PITPNC1: variants seen among roughly 807,000 people sequenced by gnomAD.
The protein encoded by PITPNC1 is cytoplasmic phosphatidylinositol transfer protein 1.
Under a neutral mutation model 44.7 loss-of-function variants are expected in PITPNC1, and 18 were observed. The observed-to-expected ratio is 0.40, with a 90% CI of 0.28 to 0.60. The LOEUF (loss-of-function observed/expected upper bound fraction) is 0.60, where lower values mean the gene tolerates loss of function less well. Ranked by LOEUF, PITPNC1 falls within the 20% of genes least tolerant of loss-of-function variation. The probability of loss-of-function intolerance (pLI) is 0.39; values close to 1 mark genes in which losing one functional copy is unlikely to be tolerated. For synonymous variants in PITPNC1, 141 were observed against 149.6 expected, an observed-to-expected ratio of 0.94 and a Z score of 0.42; for missense variants, 290 against 418.4, an observed-to-expected ratio of 0.69 and a Z score of 2.68.
At chr17:67,504,805 G>A (rs1396391771) in intron 1 of PITPNC1, among the ~76,000 whole-genome samples, 5 of 151,934 alleles carry the variant, frequency 3.3e-5, no homozygotes, top group Non-Finnish European at 5.9e-5. Flanking sequence ...TTTTTGTTCC[G>A]CTGTCTTCAG....
chr17:67,453,207 G>T (rs995040021), intron 1 of PITPNC1, among the ~76,000 whole-genome samples: 4 of 152,130 alleles, frequency 2.6e-5, no homozygotes, highest in Non-Finnish European at 4.4e-5. Flanking sequence ...AAATATTTTA[G>T]GTAACAGAAA....
Position 67,442,863 on chromosome 17 carries a change from T to TA in PITPNC1, c.48+64669dup, listed in dbSNP as rs538292384. Among the ~76,000 whole-genome samples the TA allele has an allele frequency of 5.6e-4, 85 of 151,462 alleles. 1 individual carries two copies. In the South Asian group the frequency reaches 0.015, roughly 27 times the overall value. ...GAGCAAGACTCTGTCCCAGAAAAACTAAAAAAAATGCATTAAAATAATATT... is the reference window on the plus strand; with the variant it reads ...GAGCAAGACTCTGTCCCAGAAAAACTAAAAAAAAATGCATTAAAATAATATT... On this transcript the variant is annotated intron_variant, in intron 1 of 8. Coordinates refer to ENST00000581322, the MANE Select transcript of PITPNC1 (RefSeq NM_012417.4).
intron 4 of PITPNC1, among the ~76,000 whole-genome samples, chr17:67,572,599 G>T (rs2041077202): frequency 6.6e-6 from 1 of 151,932 alleles, no homozygotes; most frequent in Admixed American, 6.6e-5. Flanking sequence ...GACACAGATA[G>T]CTAATGGTAA....
intron 5 of PITPNC1, chr17:67,612,137 A>C (rs1192486476): frequency 1.3e-5 from 2 of 152,224 alleles, no homozygotes; most frequent in African/African-American, 4.8e-5. Context: ...ATGAGTACCA[A>C]CTCATCTTGG....
At chr17:67,576,087 G>T (rs1168649812) in intron 4 of PITPNC1, among the ~76,000 whole-genome samples, 1 of 151,856 alleles carries the variant, frequency 6.6e-6, no homozygotes, top group African/African-American at 2.4e-5. Context: ...ATGGTGGCCA[G>T]GCTGGTCTCA....
At chr17:67,518,674 T>C (rs1234983758) in intron 1 of PITPNC1, among the ~76,000 whole-genome samples, 2 of 152,014 alleles carry the variant, frequency 1.3e-5, no homozygotes, top group East Asian at 3.9e-4. Flanking sequence ...AAAAGGAAAA[T>C]GATGGGCCAG....
intron 8 of PITPNC1, among the ~76,000 whole-genome samples, chr17:67,678,207 C>A (rs2144422909): frequency 9.0e-6 from 1 of 111,048 alleles, no homozygotes; most frequent in East Asian, 2.7e-4. Context: ...CCGAACAAGA[C>A]CTCGTCTCTT....
At chr17:67,630,751 A>G (rs2041955238) in intron 5 of PITPNC1, among the ~76,000 whole-genome samples, 2 of 150,392 alleles carry the variant, frequency 1.3e-5, no homozygotes, top group South Asian at 4.2e-4. Context: ...TCACTCTGTC[A>G]CTCAGGCTGG....
intron 5 of PITPNC1, among the ~76,000 whole-genome samples, chr17:67,599,962 T>C (rs192772970): frequency 2.2e-4 from 33 of 152,296 alleles, no homozygotes; most frequent in African/African-American, 7.5e-4. Flanking sequence ...GTAGCCTGGA[T>C]TGACTGGAAT....
chr17:67,625,866 G>A (rs1216987594), intron 5 of PITPNC1, among the ~76,000 whole-genome samples: 2 of 152,132 alleles, frequency 1.3e-5, no homozygotes, highest in East Asian at 3.8e-4. Flanking sequence ...CTGATGATCA[G>A]ATGAAAGTGG....
intron 1 of PITPNC1, among the ~76,000 whole-genome samples, chr17:67,485,810 C>G (rs2144035291): frequency 6.6e-6 from 1 of 152,232 alleles, no homozygotes; most frequent in South Asian, 2.1e-4. Flanking sequence ...AGAGCAAAAG[C>G]TATCACGCTG....
chr17:67,625,378 G>A (rs544715508), intron 5 of PITPNC1, among the ~76,000 whole-genome samples: 53 of 152,182 alleles, frequency 3.5e-4, no homozygotes, highest in East Asian at 7.7e-4. Flanking sequence ...AAAGGCATTC[G>A]CATCCTAACG....
At chr17:67,406,324 A>T (rs2038400522) in intron 1 of PITPNC1, among the ~76,000 whole-genome samples, 1 of 151,700 alleles carries the variant, frequency 6.6e-6, no homozygotes. Context: ...GAATATTTTC[A>T]CTACTCCCAA....
chr17:67,416,525 CTATTT>C (rs897015856), intron 1 of PITPNC1, among the ~76,000 whole-genome samples: 5 of 151,838 alleles, frequency 3.3e-5, no homozygotes, highest in African/African-American at 1.2e-4. Context: ...CCATGTATTG[CTATTT>C]TATTTACAAT....
At chr17:67,378,338 A>T in intron 1 of PITPNC1, 136 bp downstream of exon 1, 1 of 530,608 alleles carries the variant, frequency 1.9e-6, no homozygotes, top group Non-Finnish European at 3.2e-6. Context: ...CCTGGAGGAG[A>T]GGAGGGAGGG....
At chr17:67,665,739 A>G (rs1598957061) in intron 6 of PITPNC1, among the ~76,000 whole-genome samples, 1 of 152,178 alleles carries the variant, frequency 6.6e-6, no homozygotes, top group Non-Finnish European at 1.5e-5. Flanking sequence ...TCTGTGATGT[A>G]CCCACCTGCC....
intron 1 of PITPNC1, among the ~76,000 whole-genome samples, chr17:67,486,258 C>CTA (rs200579181): frequency 4.0e-5 from 6 of 151,584 alleles, no homozygotes; most frequent in Non-Finnish European, 8.8e-5. Context: ...TAGTCTTGGG[C>CTA]TATATATATA....
intron 5 of PITPNC1, among the ~76,000 whole-genome samples, chr17:67,615,463 C>T (rs926169634): frequency 2.0e-5 from 3 of 152,122 alleles, no homozygotes; most frequent in Admixed American, 6.6e-5. Flanking sequence ...TTCGATGCCT[C>T]GTGTGGCCAC....
intron 1 of PITPNC1, among the ~76,000 whole-genome samples, chr17:67,470,515 A>G (rs2039506241): frequency 6.6e-6 from 1 of 152,130 alleles, no homozygotes; most frequent in Non-Finnish European, 1.5e-5. Flanking sequence ...CTTGTGTCTC[A>G]CTTCTTTTGC....
Sources: gnomAD v4.1 joint callset for allele counts (sites outside exome capture counted in the v4.1 genomes callset) on GRCh38, gnomAD v4.1.1 for gene constraint, MANE v1.5 for transcripts, NCBI Gene and HGNC (gene_info 2026-07-23, HGNC 2026-07-21) for gene names.